The following COL28A1 variants were observed in gnomAD, a reference collection of about 807,000 sequenced individuals.
The protein encoded by COL28A1 is collagen type XXVIII alpha 1 chain, also known as collagen alpha-1(XXVIII) chain.
Under a neutral mutation model 150.2 loss-of-function variants are expected in COL28A1, and 161 were observed. That is an observed-to-expected ratio of 1.07 (90% CI 0.94 to 1.22). The LOEUF (loss-of-function observed/expected upper bound fraction) is 1.22, where lower values mean the gene tolerates loss of function less well. Ranked by LOEUF, COL28A1 falls within the 50% of genes most tolerant of loss-of-function variation. The pLI is 0.00. For synonymous variants in COL28A1, 552 were observed against 469.7 expected, an observed-to-expected ratio of 1.18 and a Z score of -2.26; for missense variants, 1,617 against 1,388.3, an observed-to-expected ratio of 1.16 and a Z score of -2.62.
chr7:7,417,773 T>C (rs1784184424), intron 27 of COL28A1, 86 bp downstream of exon 27: 1 of 1,066,126 alleles, frequency 9.4e-7, no homozygotes, highest in Non-Finnish European at 1.4e-6. Flanking sequence ...TATTTCATAA[T>C]AGCCATTTTT....
chr7:7,345,202 A>G, the COL28A1 span, among the ~76,000 whole-genome samples: 1 of 152,206 alleles, frequency 6.6e-6, no homozygotes, highest in African/African-American at 2.4e-5. Context: ...GAAAATGGAA[A>G]AGCTCTACCT....
At chr7:7,485,419 T>C (rs1162705213) in intron 13 of COL28A1, among the ~76,000 whole-genome samples, 4 of 152,172 alleles carry the variant, frequency 2.6e-5, no homozygotes, top group African/African-American at 9.7e-5. Flanking sequence ...AGCTTGTCTC[T>C]TTATACCCTT....
chr7:7,521,789 C>A (rs902439886), intron 5 of COL28A1, 116 bp downstream of exon 5: 1 of 710,510 alleles, frequency 1.4e-6, no homozygotes, highest in Non-Finnish European at 2.6e-6. Flanking sequence ...ATTTTTCCTC[C>A]CATTTCCAAA....
At chr7:7,365,531 C>CA (rs1365556156) in intron 33 of COL28A1, among the ~76,000 whole-genome samples, 1 of 152,164 alleles carries the variant, frequency 6.6e-6, no homozygotes, top group African/African-American at 2.4e-5. Flanking sequence ...TGCAGTATCC[C>CA]AAGAACATGT....
chr7:7,431,553 G>T (rs1346050171), intron 25 of COL28A1: 2 of 471,174 alleles, frequency 4.2e-6, no homozygotes, highest in Non-Finnish European at 8.8e-6. Flanking sequence ...AGTAGGGCAG[G>T]CCATTTTGGC....
At chr7:7,465,607 C>T (rs1788025361) in intron 15 of COL28A1, among the ~76,000 whole-genome samples, 1 of 133,498 alleles carries the variant, frequency 7.5e-6, no homozygotes, top group South Asian at 2.6e-4. Flanking sequence ...CCCACTACAG[C>T]TCAAGGAGGC....
chr7:7,394,291 G>A (rs146233253), intron 27 of COL28A1, among the ~76,000 whole-genome samples: 2,658 of 152,218 alleles, frequency 0.017, 44 homozygotes, highest in Non-Finnish European at 0.025. Context: ...CCAGTGAGAT[G>A]AGCCAGGTAC....
At chr7:7,396,894 C>T (rs1263588560) in intron 27 of COL28A1, among the ~76,000 whole-genome samples, 2 of 152,130 alleles carry the variant, frequency 1.3e-5, no homozygotes, top group Admixed American at 1.3e-4. Context: ...CCATTTGTAC[C>T]TCTTCCCCTG....
At chr7:7,538,389 T>G (rs1782718560), upstream of COL28A1, among the ~76,000 whole-genome samples, 1 of 152,198 alleles carries the variant, frequency 6.6e-6, no homozygotes, top group African/African-American at 2.4e-5. Context: ...AGCACACTAT[T>G]TTCATTGTTA....
At chr7:7,472,415 T>C (rs983969000) in intron 15 of COL28A1, among the ~76,000 whole-genome samples, 10 of 151,772 alleles carry the variant, frequency 6.6e-5, no homozygotes, top group African/African-American at 1.9e-4. Flanking sequence ...TCAACCCTTT[T>C]TACAATAGCT....
the COL28A1 span, among the ~76,000 whole-genome samples, chr7:7,348,536 G>C: frequency 1.3e-5 from 2 of 151,982 alleles, no homozygotes; most frequent in African/African-American, 4.8e-5. Context: ...GCTTTATTGA[G>C]CTATAAATGA....
At chr7:7,442,826 G>C (rs1785916968) in intron 20 of COL28A1, among the ~76,000 whole-genome samples, 1 of 152,062 alleles carries the variant, frequency 6.6e-6, no homozygotes, top group Non-Finnish European at 1.5e-5. Flanking sequence ...CATGAGGTCA[G>C]GAGTTCCAGA....
At chr7:7,477,274 A>G in intron 13 of COL28A1, 94 bp from the exon 14 acceptor site, 1 of 745,818 alleles carries the variant, frequency 1.3e-6, no homozygotes, top group South Asian at 1.5e-5. Flanking sequence ...GAGAATGGTT[A>G]TATTTCAGTT....
At chr7:7,370,067 T>C (rs748575126) in intron 33 of COL28A1, among the ~76,000 whole-genome samples, 9 of 152,186 alleles carry the variant, frequency 5.9e-5, no homozygotes, top group Non-Finnish European at 1.3e-4. Context: ...CATAATCTGA[T>C]TGGCTGAAGT....
At chr7:7,364,533 T>C (rs552327161) in intron 33 of COL28A1, among the ~76,000 whole-genome samples, 25 of 152,334 alleles carry the variant, frequency 1.6e-4, no homozygotes, top group African/African-American at 5.3e-4. Context: ...CTAAGCTCTA[T>C]TGTTCTTTCG....
intron 33 of COL28A1, among the ~76,000 whole-genome samples, chr7:7,370,113 T>G (rs571093941): frequency 6.6e-6 from 1 of 152,306 alleles, no homozygotes; most frequent in Non-Finnish European, 1.5e-5. Flanking sequence ...ACAGTCACAT[T>G]TGTTTCAATT....
rs550778279 is a variant in COL28A1, at chr7:7,511,045, C to A, written c.927+46G>T. 2.3e-5 allele frequency: 36 copies of A among 1,548,860 alleles called. 1 individual carries two copies. In the African/African-American group the frequency reaches 3.4e-4, roughly 15 times the overall value. On this transcript the variant is annotated intron_variant, in intron 9 of 34. Coordinates refer to ENST00000399429, the MANE Select transcript of COL28A1 (RefSeq NM_001037763.3). ...GAATTTCCCCTTAAGGAAACGCAAC[C>A]CAAAAGGGATCACAGCTGTAAGCAG...
At chr7:7,510,045 C>G (rs1157448145) in intron 9 of COL28A1, among the ~76,000 whole-genome samples, 2 of 152,040 alleles carry the variant, frequency 1.3e-5, no homozygotes, top group Non-Finnish European at 2.9e-5. Context: ...AACCTTCTGC[C>G]TCATTTTCTC....
At chr7:7,463,281 G>A (rs543830024) in intron 15 of COL28A1, among the ~76,000 whole-genome samples, 1 of 152,184 alleles carries the variant, frequency 6.6e-6, no homozygotes, top group South Asian at 2.1e-4. Context: ...CAGCTGTGAG[G>A]CAAAAACACC....
Sources: allele counts gnomAD v4.1 joint callset (sites outside exome capture counted in the v4.1 genomes callset), GRCh38; gene constraint gnomAD v4.1.1; transcripts MANE v1.5; gene names NCBI Gene and HGNC (gene_info 2026-07-23, HGNC 2026-07-21).